Variants in DIP2C observed in about 807,000 individuals in gnomAD.
DIP2C encodes disco-interacting protein 2 homolog C.
In DIP2C, 33 loss-of-function variants were observed where a neutral mutation model predicts 192.4. The ratio of observed to expected loss-of-function variants is 0.17; its 90% CI spans 0.13 to 0.23. The LOEUF (loss-of-function observed/expected upper bound fraction) is 0.23, where lower values mean the gene tolerates loss of function less well. DIP2C is among the 10% of genes least tolerant of loss of function. DIP2C has a pLI of 1.00. For missense variants in DIP2C, 1,537 were observed against 2,110.1 expected (o/e 0.73, Z 5.32); for synonymous variants, 979 against 864.1 (o/e 1.13, Z -2.33).
intron 1 of DIP2C, among the ~76,000 whole-genome samples, chr10:643,620 G>C (rs1855312981): frequency 6.6e-6 from 1 of 152,208 alleles, no homozygotes; most frequent in South Asian, 2.1e-4. Flanking sequence ...AGCTCAAAGA[G>C]TCATCCACCT....
intron 6 of DIP2C, among the ~76,000 whole-genome samples, chr10:417,697 T>C (rs10904176): frequency 0.02 from 737 of 37,690 alleles, 130 homozygotes; most frequent in Admixed American, 0.026. Context: ...TGTCCGCCTG[T>C]GCCTGTCGGC....
At chr10:620,348 GA>G (rs1308798528) in intron 1 of DIP2C, among the ~76,000 whole-genome samples, 4 of 152,102 alleles carry the variant, frequency 2.6e-5, no homozygotes, top group African/African-American at 9.7e-5. Context: ...CAAGCAGTCA[GA>G]GGCACCTAAA....
At chr10:342,503 C>G (rs1000096807) in intron 28 of DIP2C, among the ~76,000 whole-genome samples, 1 of 152,184 alleles carries the variant, frequency 6.6e-6, no homozygotes, top group African/African-American at 2.4e-5. Flanking sequence ...GTAGGGGAGG[C>G]ACCACGGTGC....
intron 1 of DIP2C, among the ~76,000 whole-genome samples, chr10:578,120 G>GA (rs1564219965): frequency 6.6e-6 from 1 of 152,092 alleles, no homozygotes; most frequent in East Asian, 1.9e-4. Context: ...CTGTTTACTC[G>GA]AAAGCTCTCT....
intron 1 of DIP2C, among the ~76,000 whole-genome samples, chr10:581,017 A>T (rs565527839): frequency 6.6e-6 from 1 of 152,200 alleles, no homozygotes; most frequent in African/African-American, 2.4e-5. Flanking sequence ...GTATTCTGGC[A>T]GATTATTCAT....
intron 1 of DIP2C, among the ~76,000 whole-genome samples, chr10:676,624 G>C (rs1318475016): frequency 6.6e-6 from 1 of 151,978 alleles, no homozygotes; most frequent in Non-Finnish European, 1.5e-5. Context: ...CAATGAGCCA[G>C]TGGAAAAAGA....
At chr10:557,707 A>C (rs1416028170) in intron 1 of DIP2C, among the ~76,000 whole-genome samples, 2 of 24,602 alleles carry the variant, frequency 8.1e-5, no homozygotes, top group East Asian at 1.6e-3. Flanking sequence ...GGGGCGGGGG[A>C]GGGGATGGGC....
intron 1 of DIP2C, among the ~76,000 whole-genome samples, chr10:631,493 CA>C (rs1231972551): frequency 6.6e-6 from 1 of 152,254 alleles, no homozygotes; most frequent in Non-Finnish European, 1.5e-5. Context: ...CTGGACGTGT[CA>C]CCTGGCGACA....
intron 1 of DIP2C, among the ~76,000 whole-genome samples, chr10:541,588 C>T (rs188795894): frequency 1.7e-4 from 25 of 150,158 alleles, no homozygotes; most frequent in African/African-American, 5.9e-4. Context: ...TCCTGGATCC[C>T]ACAGCGTGAC....
intron 1 of DIP2C, among the ~76,000 whole-genome samples, chr10:508,536 C>T (rs867834892): frequency 3.3e-5 from 5 of 152,206 alleles, no homozygotes; most frequent in African/African-American, 7.2e-5. Context: ...TGTGCTGGTT[C>T]CGGATTTCCT....
intron 1 of DIP2C, among the ~76,000 whole-genome samples, chr10:567,433 A>ACC (rs966202685): frequency 1.4e-4 from 22 of 151,864 alleles, no homozygotes; most frequent in African/African-American, 5.1e-4. Context: ...CTCGTGATCC[A>ACC]CCCACCTCAG....
chr10:433,877 T>C (rs192015630), intron 4 of DIP2C, among the ~76,000 whole-genome samples: 60 of 152,204 alleles, frequency 3.9e-4, no homozygotes, highest in African/African-American at 1.3e-3. Context: ...GTTACTATTT[T>C]CTATCTGTTG....
At chr10:470,401 G>GCCA (rs570720794) in intron 3 of DIP2C, among the ~76,000 whole-genome samples, 56 of 152,132 alleles carry the variant, frequency 3.7e-4, no homozygotes, top group Non-Finnish European at 5.7e-4. Context: ...CACCCATCCT[G>GCCA]CCACTCTCAG....
chr10:419,127 C>T lies in DIP2C; in HGVS notation c.677G>A (p.Gly226Asp). 1 of 1,614,274 alleles carries T rather than the reference C, an allele frequency of 6.2e-7. No individual in the cohort carries two copies. Among genetic ancestry groups the T allele is most frequent in the Admixed American group, 1.7e-5 (1 of 60,036 alleles). ...EHSIQVERPQ[G>D]STGSRTAPKY... The stretch of plus-strand genomic sequence containing the variant: ...GGGCGCTGTCCGGGACCCCGTGGAA[C>T]CCTGCGGTCTCTCCACCTGTATCGA... The change falls in exon 6 of 37, where the codon GGT becomes GAT. Residue 226 changes from glycine (G) to aspartate (D), a missense_variant. Gly to Asp is a moderately conservative substitution (Grantham distance 94). This residue lies in a region of DIP2C where 473 missense variants were observed against 539.6 expected (regional missense o/e 0.88). Transcript: ENST00000280886.
chr10:384,271 C>CTTTT (rs35461394), intron 15 of DIP2C, 125 bp from the exon 16 acceptor site: 95 of 301,904 alleles, frequency 3.1e-4, no homozygotes, highest in South Asian at 5.5e-4. Flanking sequence ...CCCCACAAAC[C>CTTTT]TTTTTTTTTT....
chr10:458,726 G>A (rs1969510481), intron 3 of DIP2C, among the ~76,000 whole-genome samples: 1 of 149,166 alleles, frequency 6.7e-6, no homozygotes, highest in Admixed American at 6.7e-5. Flanking sequence ...ACAGCAAGGA[G>A]GATATCCTCT....
intron 3 of DIP2C, 87 bp downstream of exon 3, chr10:472,352 C>T (rs979846109): frequency 7.6e-7 from 1 of 1,309,738 alleles, no homozygotes; most frequent in Non-Finnish European, 1.1e-6. Context: ...GCCCACTGCA[C>T]TTCTGCCTCG....
In DIP2C at chr10:550,241, C is replaced by T. The variant is rs139636856; in HGVS notation, c.86-63711G>A. Among the ~76,000 whole-genome samples, 93 of 152,234 alleles carry T rather than the reference C, an allele frequency of 6.1e-4. 1 individual carries two copies. The East Asian group carries it at 0.013, about 22-fold the overall frequency. On this transcript the variant is annotated intron_variant, in intron 1 of 36. Coordinates refer to ENST00000280886, the MANE Select transcript of DIP2C (RefSeq NM_014974.3). ...GCCAGGCTGGTCTCGAACTCCTGAC[C>T]TCACGTGATCCACCCGCCTTGACCT...
intron 1 of DIP2C, among the ~76,000 whole-genome samples, chr10:536,121 G>A (rs931374307): frequency 4.6e-5 from 7 of 152,274 alleles, no homozygotes; most frequent in South Asian, 2.1e-4. Flanking sequence ...GGGCAGGGCC[G>A]AGCTCCCACC....
Sources: gnomAD v4.1 joint callset for allele counts (sites outside exome capture counted in the v4.1 genomes callset) on GRCh38, gnomAD v4.1.1 for gene constraint, gnomAD v4.1.1 regional missense constraint, MANE v1.5 for transcripts, NCBI Gene and HGNC (gene_info 2026-07-23, HGNC 2026-07-21) for gene names.